The following GK variants were observed in gnomAD, a reference collection of about 807,000 sequenced individuals.
GK encodes the protein glycerol kinase.
GK carries 9 observed loss-of-function variants against 56.4 expected under a neutral mutation model. The ratio of observed to expected loss-of-function variants is 0.16; its 90% confidence interval spans 0.10 to 0.28. GK has a LOEUF of 0.28. Among genes scored for constraint, GK ranks in the 10% least tolerant of loss-of-function variants. GK has a pLI of 1.00. For synonymous variants in GK, 104 were observed against 144.1 expected (o/e 0.72, Z 1.99); for missense variants, 161 against 431.4 (o/e 0.37, Z 5.55).
At chrX:30,709,479 G>T (rs1170572572) in intron 13 of GK, among the ~76,000 whole-genome samples, 1 of 111,898 alleles carries the variant, frequency 8.9e-6, no homozygotes, top group Admixed American at 9.5e-5. Context: ...GTTTCTCTGG[G>T]TCTTCCTCCT....
At chrX:30,726,429 A>C (rs1937134812) in intron 19 of GK, among the ~76,000 whole-genome samples, 1 of 109,690 alleles carries the variant, frequency 9.1e-6, no homozygotes, top group Non-Finnish European at 1.9e-5. Flanking sequence ...CTGGGATTAC[A>C]GGCATGCGCC....
intron 5 of GK, among the ~76,000 whole-genome samples, chrX:30,693,795 T>G (rs1166680268): frequency 9.0e-6 from 1 of 110,574 alleles, no homozygotes; most frequent in East Asian, 2.9e-4. Flanking sequence ...GTGATCCACC[T>G]GCTTCAGCCT....
chrX:30,686,769 C>T (rs1261441235), intron 4 of GK, among the ~76,000 whole-genome samples: 1 of 111,090 alleles, frequency 9.0e-6, no homozygotes, highest in African/African-American at 3.3e-5. Flanking sequence ...TTGGATGTGA[C>T]TTTATTTAAT....
chrX:30,728,195 A>C (rs956107900), intron 20 of GK, among the ~76,000 whole-genome samples: 2 of 111,918 alleles, frequency 1.8e-5, no homozygotes, highest in African/African-American at 3.2e-5. Context: ...TCAGCATGTT[A>C]TGGAATATAT....
At chrX:30,722,854 G>A (rs1982613567) in intron 18 of GK, among the ~76,000 whole-genome samples, 1 of 111,192 alleles carries the variant, frequency 9.0e-6, no homozygotes, top group African/African-American at 3.3e-5. Context: ...TTCTCTCCTG[G>A]GTGTTGCAGG....
intron 4 of GK, among the ~76,000 whole-genome samples, chrX:30,681,372 G>A (rs1334913202): frequency 8.9e-6 from 1 of 112,032 alleles, no homozygotes; most frequent in African/African-American, 3.2e-5. Flanking sequence ...TGAGCTGGAA[G>A]ATAAATCAGA....
At chrX:30,702,487 T>C (rs1935741404) in intron 11 of GK, among the ~76,000 whole-genome samples, 1 of 113,102 alleles carries the variant, frequency 8.8e-6, no homozygotes, top group African/African-American at 3.2e-5. Flanking sequence ...TAATGTTTCA[T>C]GTGCTTTAAA....
intron 4 of GK, chrX:30,678,190 A>C: frequency 2.5e-6 from 1 of 406,554 alleles, no homozygotes; most frequent in Non-Finnish European, 4.3e-6. Flanking sequence ...ATAAAAATAG[A>C]ATATTCGAAT....
chrX:30,698,088 T>C (rs1409275810), intron 9 of GK: 1 of 185,524 alleles, frequency 5.4e-6, no homozygotes, highest in Non-Finnish European at 1.0e-5. Flanking sequence ...TTAAATGATA[T>C]ATTGACCACC....
chrX:30,689,516 A>G, intron 4 of GK: 1 of 331,584 alleles, frequency 3.0e-6, no homozygotes, highest in Middle Eastern at 4.4e-4. Flanking sequence ...TTCCAGACTC[A>G]GACAGTATCA....
chrX:30,658,607 C>T (rs1296922534), intron 1 of GK, among the ~76,000 whole-genome samples: 1 of 112,332 alleles, frequency 8.9e-6, no homozygotes, highest in Non-Finnish European at 1.9e-5. Flanking sequence ...TGAGCCACCA[C>T]GCCCGGCCAA....
Position 30,728,966 on chromosome X carries a change from C to T in GK, c.*224C>T. 3 of 397,799 alleles carry T rather than the reference C, an allele frequency of 7.5e-6. No homozygotes were observed. The highest frequency in any genetic ancestry group is 1.3e-5 in the Non-Finnish European group (3 of 229,519). 32.8% of individuals were successfully genotyped at this position (397,799 alleles called of 1,213,427 possible). ...GGTTTTTTTTTTTTTTAAACATCCA[C>T]AGTTAAGGTTGGGCCAGCTACCTTT... On this transcript the variant is annotated 3_prime_UTR_variant, in exon 21 of 21. Transcript: ENST00000427190.
chrX:30,695,391 T>A (rs1935186758), intron 6 of GK, among the ~76,000 whole-genome samples: 1 of 112,320 alleles, frequency 8.9e-6, no homozygotes, highest in Non-Finnish European at 1.9e-5. Context: ...GTGGAAACTG[T>A]GAGCTGCAGG....
At position 30,697,780 on chromosome X, in the gene GK, A is replaced by G. The variant is rs775596491; in HGVS notation, c.747+31A>G. 45 of 1,088,016 alleles carry G rather than the reference A, an allele frequency of 4.1e-5. No homozygotes were observed. The South Asian group carries it at 8.1e-4, about 20-fold the overall frequency. 89.7% of individuals were successfully genotyped at this position (1,088,016 alleles called of 1,213,427 possible). ...TAGGTTGCCCGCCAATTATGTACCCATTCATTTGGAAAAGATACAGTGCAC... is the reference window on the plus strand; with the variant it reads ...TAGGTTGCCCGCCAATTATGTACCCGTTCATTTGGAAAAGATACAGTGCAC... On this transcript the variant is annotated intron_variant, in intron 9 of 20. Coordinates refer to ENST00000427190, the MANE Select transcript of GK (RefSeq NM_001205019.2).
intron 8 of GK, 41 bp downstream of exon 8, chrX:30,696,724 C>T: frequency 1.0e-6 from 1 of 973,546 alleles, no homozygotes; most frequent in Non-Finnish European, 1.5e-6. Context: ...ACCAAAAAAC[C>T]AAAAAACAAA....
At chrX:30,696,583 A>G in intron 7 of GK, 34 bp from the exon 8 acceptor site, 1 of 979,664 alleles carries the variant, frequency 1.0e-6, no homozygotes, top group South Asian at 2.0e-5. Flanking sequence ...TCTATTTAAA[A>G]CAGTGTTAAA....
intron 13 of GK, among the ~76,000 whole-genome samples, chrX:30,716,517 A>G (rs1307601244): frequency 2.7e-5 from 3 of 112,166 alleles, no homozygotes; most frequent in African/African-American, 9.7e-5. Context: ...TGGGTTAAAT[A>G]AAATATTAAT....
rs760293902 is a variant in GK at position 30,681,963 on chromosome X, A to C, written c.337+4511A>C. Reference sequence around the variant, plus strand: ...CACTAGGCAGCTAACCCATTCTCTTAGTCCATTCTGGTTACTATAACAAAA... The same window carrying C: ...CACTAGGCAGCTAACCCATTCTCTTCGTCCATTCTGGTTACTATAACAAAA... On this transcript the variant is annotated intron_variant, in intron 4 of 20. Coordinates refer to ENST00000427190, the MANE Select transcript of GK (RefSeq NM_001205019.2). Among the ~76,000 whole-genome samples, 161 of 112,138 alleles carry C rather than the reference A, an allele frequency of 1.4e-3. 2 individuals are homozygous for C. Among genetic ancestry groups the C allele is most frequent in the African/African-American group, 5.0e-3 (155 of 30,898 alleles).
At chrX:30,674,361 T>A in intron 3 of GK, 1 of 330,808 alleles carries the variant, frequency 3.0e-6, no homozygotes, top group Non-Finnish European at 5.9e-6. Flanking sequence ...AATCCTCACC[T>A]TCCTGTTGCT....
Sources: allele counts gnomAD v4.1 joint callset (sites outside exome capture counted in the v4.1 genomes callset), GRCh38; gene constraint gnomAD v4.1.1; transcripts MANE v1.5; gene names NCBI Gene and HGNC (gene_info 2026-07-23, HGNC 2026-07-21).